Variants in ADGRB3 observed in about 807,000 individuals in gnomAD.
ADGRB3 encodes the protein brain-specific angiogenesis inhibitor 3.
In ADGRB3, 37 loss-of-function variants were observed where a neutral mutation model predicts 193.4. The ratio of observed to expected loss-of-function variants is 0.19; its 90% confidence interval spans 0.15 to 0.25. The LOEUF (loss-of-function observed/expected upper bound fraction) is 0.25, where lower values mean the gene tolerates loss of function less well. Among genes scored for constraint, ADGRB3 ranks in the 10% least tolerant of loss-of-function variants. The pLI is 1.00. For synonymous variants in ADGRB3, 690 were observed against 644.2 expected (o/e 1.07, Z -1.08); for missense variants, 1,637 against 1,852.9 (o/e 0.88, Z 2.14).
Position 68,943,834 on chromosome 6 carries a change from C to T in ADGRB3, c.1035C>T (p.His345=), listed in dbSNP as rs574714614. ...VCNNTALCPV[H]GVWEEWSPWS... is the part of the protein sequence containing the mutation. Reference sequence around the variant, plus strand: ...AGCTTCTTTGCTTTATTACAGTACACGGAGTATGGGAGGAATGGTCACCAT... The same window carrying T: ...AGCTTCTTTGCTTTATTACAGTACATGGAGTATGGGAGGAATGGTCACCAT... The change falls in exon 6 of 32, where the codon CAC becomes CAT. Residue 345 remains histidine, a synonymous_variant. Transcript: ENST00000370598. 14 of 1,610,278 alleles carry T rather than the reference C, an allele frequency of 8.7e-6. No individual in the cohort carries two copies. In the East Asian group the frequency reaches 8.9e-5, roughly 10 times the overall value.
chr6:69,191,999 C>A (rs990569511), intron 17 of ADGRB3, among the ~76,000 whole-genome samples: 2 of 152,036 alleles, frequency 1.3e-5, no homozygotes, highest in Admixed American at 6.6e-5. Context: ...TCCTGGTGAT[C>A]TAATAATTGT....
At chr6:69,295,208 G>A (rs913181546) in intron 20 of ADGRB3, among the ~76,000 whole-genome samples, 52 of 152,086 alleles carry the variant, frequency 3.4e-4, no homozygotes, top group African/African-American at 9.2e-4. Context: ...TATAAATAAC[G>A]AGGTAACAAG....
chr6:69,229,354 G>A (rs1290050582), intron 17 of ADGRB3, among the ~76,000 whole-genome samples: 1 of 152,036 alleles, frequency 6.6e-6, no homozygotes, highest in Non-Finnish European at 1.5e-5. Context: ...CTAAATTTTA[G>A]AAATTAACTA....
chr6:69,056,656 C>T (rs1771553319), intron 15 of ADGRB3, among the ~76,000 whole-genome samples: 1 of 152,048 alleles, frequency 6.6e-6, no homozygotes, highest in South Asian at 2.1e-4. Flanking sequence ...ATGGTGTAGG[C>T]ACATGGATAT....
chr6:68,726,459 A>G (rs995017167), intron 3 of ADGRB3, among the ~76,000 whole-genome samples: 1 of 151,580 alleles, frequency 6.6e-6, no homozygotes, highest in African/African-American at 2.4e-5. Flanking sequence ...CTATGCAGAG[A>G]AAAACAAATG....
At chr6:69,291,113 T>G (rs1767655879) in intron 20 of ADGRB3, among the ~76,000 whole-genome samples, 1 of 152,178 alleles carries the variant, frequency 6.6e-6, no homozygotes, top group African/African-American at 2.4e-5. Flanking sequence ...CTAATGCTTC[T>G]TGGATTAATT....
chr6:69,318,094 C>A (rs1282148841), intron 20 of ADGRB3, among the ~76,000 whole-genome samples: 1 of 150,980 alleles, frequency 6.6e-6, no homozygotes, highest in African/African-American at 2.4e-5. Flanking sequence ...GTATTGTTTT[C>A]GTGAGAAACT....
intron 20 of ADGRB3, among the ~76,000 whole-genome samples, chr6:69,323,861 G>A (rs1458122030): frequency 6.6e-6 from 1 of 152,062 alleles, no homozygotes; most frequent in Non-Finnish European, 1.5e-5. Flanking sequence ...AGCAGTGGAT[G>A]GTGGTAGAGA....
At chr6:69,351,872 G>A (rs558678958) in intron 26 of ADGRB3, among the ~76,000 whole-genome samples, 43 of 152,276 alleles carry the variant, frequency 2.8e-4, no homozygotes, top group African/African-American at 1.0e-3. Flanking sequence ...TGGTTAGCAA[G>A]GACCATTCAA....
At chr6:69,168,318 A>G (rs1775183187) in intron 17 of ADGRB3, among the ~76,000 whole-genome samples, 1 of 152,152 alleles carries the variant, frequency 6.6e-6, no homozygotes, top group African/African-American at 2.4e-5. Flanking sequence ...CTACCTGAAT[A>G]ATTAAATGTG....
intron 13 of ADGRB3, among the ~76,000 whole-genome samples, chr6:69,025,877 G>C (rs1360701225): frequency 6.6e-6 from 1 of 152,112 alleles, no homozygotes; most frequent in Non-Finnish European, 1.5e-5. Context: ...TGGAAGCACT[G>C]GGGAGGGTGA....
chr6:69,252,175 GC>G (rs996659126), intron 20 of ADGRB3, among the ~76,000 whole-genome samples: 1 of 151,768 alleles, frequency 6.6e-6, no homozygotes, highest in Admixed American at 6.6e-5. Context: ...TTTTCTTCTG[GC>G]CTCTTTTGCT....
intron 3 of ADGRB3, among the ~76,000 whole-genome samples, chr6:68,817,511 A>T (rs1767660832): frequency 6.6e-6 from 1 of 151,416 alleles, no homozygotes; most frequent in East Asian, 1.9e-4. Flanking sequence ...TAATGGTTTA[A>T]TGTAGTATGC....
chr6:68,976,899 T>C (rs1006236190), intron 10 of ADGRB3, among the ~76,000 whole-genome samples: 1 of 151,822 alleles, frequency 6.6e-6, no homozygotes, highest in Non-Finnish European at 1.5e-5. Flanking sequence ...TATTTGGCTA[T>C]ATACAGCCTT....
intron 3 of ADGRB3, among the ~76,000 whole-genome samples, chr6:68,781,890 T>G (rs1304402752): frequency 6.6e-6 from 1 of 152,084 alleles, no homozygotes; most frequent in African/African-American, 2.4e-5. Flanking sequence ...CATAGGGTAT[T>G]ACAAGCGAAA....
intron 3 of ADGRB3, among the ~76,000 whole-genome samples, chr6:68,659,840 A>C (rs946528478): frequency 3.3e-5 from 5 of 151,052 alleles, no homozygotes; most frequent in East Asian, 1.9e-4. Context: ...ACACAGCAGT[A>C]ACCATCTTTT....
At chr6:68,873,067 C>T (rs577401683) in intron 3 of ADGRB3, among the ~76,000 whole-genome samples, 3 of 152,198 alleles carry the variant, frequency 2.0e-5, no homozygotes, top group African/African-American at 7.2e-5. Flanking sequence ...AAACCACACA[C>T]GTTCCTCTCT....
At chr6:69,334,682 A>G (rs776590825) in intron 24 of ADGRB3, among the ~76,000 whole-genome samples, 1 of 152,210 alleles carries the variant, frequency 6.6e-6, no homozygotes, top group Non-Finnish European at 1.5e-5. Flanking sequence ...TAATCATGTA[A>G]GAATATACTG....
chr6:69,388,623 A>G, intron 31 of ADGRB3, 80 bp from the exon 32 acceptor site: 2 of 1,333,744 alleles, frequency 1.5e-6, no homozygotes, highest in East Asian at 4.8e-5. Context: ...GATTACAAAC[A>G]CGCTCTCTTC....
Sources: allele counts gnomAD v4.1 joint callset (sites outside exome capture counted in the v4.1 genomes callset), GRCh38; gene constraint gnomAD v4.1.1; transcripts MANE v1.5; gene names NCBI Gene and HGNC (gene_info 2026-07-23, HGNC 2026-07-21).